FAM3B: variants seen among roughly 807,000 people sequenced by gnomAD.
FAM3B encodes the protein FAM3 metabolism regulating signaling molecule B.
A neutral mutation model predicts 28.4 loss-of-function variants in FAM3B; 29 were observed. The observed-to-expected ratio is 1.02, with a 90% confidence interval of 0.76 to 1.39. The LOEUF (loss-of-function observed/expected upper bound fraction) is 1.39, where lower values mean the gene tolerates loss of function less well. Ranked by LOEUF, FAM3B falls within the 40% of genes most tolerant of loss-of-function variation. FAM3B has a pLI of 0.00. For synonymous variants in FAM3B, 91 were observed against 103.0 expected (o/e 0.88, Z 0.71); for missense variants, 266 against 293.9 (o/e 0.91, Z 0.69).
chr21:41,317,262 C>G (rs181975525), intron 1 of FAM3B, among the ~76,000 whole-genome samples: 6 of 150,234 alleles, frequency 4.0e-5, no homozygotes, highest in South Asian at 4.3e-4. Context: ...CCCCACCCCC[C>G]ACCCGGGCTC....
upstream of FAM3B, among the ~76,000 whole-genome samples, chr21:41,312,670 A>G (rs1180904421): frequency 2.0e-5 from 3 of 152,158 alleles, no homozygotes; most frequent in African/African-American, 4.8e-5. Flanking sequence ...AGACCTGAAC[A>G]TGTAAGTTAT....
At chr21:41,353,958 T>C (rs2089143033) in intron 7 of FAM3B, among the ~76,000 whole-genome samples, 1 of 151,736 alleles carries the variant, frequency 6.6e-6, no homozygotes, top group Non-Finnish European at 1.5e-5. Context: ...AGAAAAAATA[T>C]CCCATTAAAA....
At chr21:41,340,483 T>C (rs1458249834) in intron 3 of FAM3B, among the ~76,000 whole-genome samples, 1 of 152,138 alleles carries the variant, frequency 6.6e-6, no homozygotes. Context: ...ACCCATTCAC[T>C]CCTGTGATAA....
chr21:41,350,278 G>A (rs1001237798), intron 7 of FAM3B, among the ~76,000 whole-genome samples: 21 of 152,136 alleles, frequency 1.4e-4, no homozygotes, highest in African/African-American at 4.8e-4. Flanking sequence ...CGAATACTGG[G>A]TCCCCATCTC....
chr21:41,346,453 A>G (rs1030320729), intron 5 of FAM3B: 2 of 154,050 alleles, frequency 1.3e-5, no homozygotes, highest in Non-Finnish European at 1.4e-5. Context: ...TAAGGCATAG[A>G]TAAGTCTCTT....
intron 1 of FAM3B, 36 bp downstream of exon 1, chr21:41,316,934 C>G: frequency 7.6e-7 from 1 of 1,314,916 alleles, no homozygotes; most frequent in Non-Finnish European, 9.7e-7. Context: ...AGGGTAGGGG[C>G]GGGGAAGGAG....
At chr21:41,340,034 C>G (rs1432080319) in intron 3 of FAM3B, among the ~76,000 whole-genome samples, 2 of 151,944 alleles carry the variant, frequency 1.3e-5, no homozygotes. Context: ...CTGCTGGTAT[C>G]AGTCTTGGAG....
At chr21:41,330,151 A>AAC (rs1555870392) in intron 2 of FAM3B, among the ~76,000 whole-genome samples, 2 of 150,432 alleles carry the variant, frequency 1.3e-5, no homozygotes, top group African/African-American at 4.9e-5. Context: ...AAAAAAAAAA[A>AAC]CATAATACAG....
chr21:41,345,001 T>C (rs1273257655), intron 4 of FAM3B, among the ~76,000 whole-genome samples: 2 of 152,170 alleles, frequency 1.3e-5, no homozygotes, highest in Non-Finnish European at 2.9e-5. Flanking sequence ...ACAGTTGCCT[T>C]TGAGGGGCCC....
chr21:41,325,483 A>G (rs533768654), intron 2 of FAM3B, among the ~76,000 whole-genome samples: 1 of 152,310 alleles, frequency 6.6e-6, no homozygotes, highest in South Asian at 2.1e-4. Flanking sequence ...TTCCTCATTT[A>G]TAGGAGTTAA....
At chr21:41,332,165 T>G (rs1450206492) in intron 2 of FAM3B, among the ~76,000 whole-genome samples, 1 of 152,220 alleles carries the variant, frequency 6.6e-6, no homozygotes, top group Admixed American at 6.5e-5. Context: ...CTATCTCACT[T>G]GCTCCTGTTT....
chr21:41,341,563 A>G (rs963772295), intron 3 of FAM3B, among the ~76,000 whole-genome samples: 1 of 152,182 alleles, frequency 6.6e-6, no homozygotes, highest in Admixed American at 6.5e-5. Context: ...TTAATTCAAC[A>G]CTTGTTTAAT....
chr21:41,339,502 G>T (rs1287579374), intron 3 of FAM3B, among the ~76,000 whole-genome samples: 1 of 152,124 alleles, frequency 6.6e-6, no homozygotes, highest in Non-Finnish European at 1.5e-5. Flanking sequence ...ACCAAGCAAT[G>T]CATTTGTTTC....
intron 3 of FAM3B, among the ~76,000 whole-genome samples, chr21:41,342,446 G>A (rs1408637858): frequency 6.6e-6 from 1 of 152,190 alleles, no homozygotes; most frequent in African/African-American, 2.4e-5. Context: ...CTTCTTCTGA[G>A]ATTCTTAATG....
chr21:41,321,773 G>A (rs891590900), intron 1 of FAM3B, among the ~76,000 whole-genome samples: 11 of 152,172 alleles, frequency 7.2e-5, no homozygotes, highest in East Asian at 5.8e-4. Flanking sequence ...TGCATGGGTC[G>A]GGGACAGCTG....
At chr21:41,313,473 C>T (rs2088727189), upstream of FAM3B, among the ~76,000 whole-genome samples, 1 of 150,350 alleles carries the variant, frequency 6.7e-6, no homozygotes, top group Admixed American at 6.6e-5. Flanking sequence ...GTATGCATGT[C>T]GCATTTGATC....
chr21:41,340,142 C>T (rs1029504055), intron 3 of FAM3B, among the ~76,000 whole-genome samples: 16 of 148,574 alleles, frequency 1.1e-4, no homozygotes, highest in African/African-American at 4.0e-4. Context: ...CAAAAGGGGA[C>T]TGAAGTTGTC....
chr21:41,304,545 C>T lies in FAM3B; in HGVS notation n.99+235C>T, dbSNP rs568944239. Reference sequence around the variant, plus strand: ...CCCTAGGAGACCCGAGCCTGGCACCCATCTGCACTCATCCCCAGACAGGGG... The same window carrying T: ...CCCTAGGAGACCCGAGCCTGGCACCTATCTGCACTCATCCCCAGACAGGGG... On this transcript the variant is annotated intron_variant and non_coding_transcript_variant, in intron 1 of 9. Transcript: ENST00000479810. Among the ~76,000 whole-genome samples the T allele has an allele frequency of 9.8e-5, 15 of 152,360 alleles. No individual in the cohort carries two copies. In the East Asian group the frequency reaches 2.9e-3, roughly 29 times the overall value.
At chr21:41,328,085 C>T (rs1357166852) in intron 2 of FAM3B, among the ~76,000 whole-genome samples, 3 of 152,182 alleles carry the variant, frequency 2.0e-5, no homozygotes, top group Non-Finnish European at 2.9e-5. Context: ...CCTGGTTAAA[C>T]GAACCATGGA....
Sources: gnomAD v4.1 joint callset for allele counts (sites outside exome capture counted in the v4.1 genomes callset) on GRCh38, gnomAD v4.1.1 for gene constraint, MANE v1.5 for transcripts, NCBI Gene and HGNC (gene_info 2026-07-23, HGNC 2026-07-21) for gene names.